The following PDE4D variants were observed in gnomAD, a reference collection of about 807,000 sequenced individuals.
The protein encoded by PDE4D is 3',5'-cyclic-AMP phosphodiesterase 4D.
PDE4D carries 24 observed loss-of-function variants against 87.4 expected under a neutral mutation model. The ratio of observed to expected loss-of-function variants is 0.27; its 90% CI spans 0.20 to 0.39. The LOEUF is 0.39. PDE4D is among the 10% of genes least tolerant of loss of function. PDE4D has a pLI of 1.00. For missense variants in PDE4D, 714 were observed against 1,041.0 expected (o/e 0.69, Z 4.32); for synonymous variants, 384 against 383.2 (o/e 1.00, Z -0.02).
At chr5:59,565,230 G>A (rs1042969170) in intron 1 of PDE4D, among the ~76,000 whole-genome samples, 1 of 152,090 alleles carries the variant, frequency 6.6e-6, no homozygotes, top group African/African-American at 2.4e-5. Flanking sequence ...TATTTAGAAA[G>A]TTACTGGGCC....
chr5:59,348,694 T>G lies in PDE4D; in HGVS notation c.456-132726A>C, dbSNP rs1780011346. 2.0e-5 allele frequency among the ~76,000 whole-genome samples: 3 copies of G among 150,200 alleles called. No individual in the cohort carries two copies. In the Admixed American group the frequency reaches 2.0e-4, roughly 10 times the overall value. On this transcript the variant is annotated intron_variant, in intron 1 of 14. Coordinates refer to ENST00000340635, the MANE Select transcript of PDE4D (RefSeq NM_001104631.2). Reference sequence around the variant, plus strand: ...AACTGTCCTTTGCATTTGATTGGCTTAACATAATTACAGTAATATATATTT... The same window carrying G: ...AACTGTCCTTTGCATTTGATTGGCTGAACATAATTACAGTAATATATATTT...
intron 1 of PDE4D, among the ~76,000 whole-genome samples, chr5:59,304,166 T>C (rs1770815551): frequency 6.6e-6 from 1 of 152,024 alleles, no homozygotes; most frequent in South Asian, 2.1e-4. Context: ...TATTGTAAAA[T>C]GGGTTGAGTT....
chr5:59,768,742 A>G (rs778787415), intron 1 of PDE4D: 41 of 997,520 alleles, frequency 4.1e-5, no homozygotes, highest in Non-Finnish European at 5.3e-5. Flanking sequence ...GCCAAAGATC[A>G]CTGACAAGCT....
At chr5:59,794,482 TTCCCTCCC>T (rs1167763083) in intron 1 of PDE4D, among the ~76,000 whole-genome samples, 1 of 151,884 alleles carries the variant, frequency 6.6e-6, no homozygotes, top group Non-Finnish European at 1.5e-5. Context: ...GCCTCCCTCC[TTCCCTCCC>T]TCCCTCCTGC....
intron 1 of PDE4D, among the ~76,000 whole-genome samples, chr5:59,868,490 T>C (rs1276031351): frequency 1.3e-5 from 2 of 152,152 alleles, no homozygotes; most frequent in Non-Finnish European, 2.9e-5. Context: ...TATGAAAATA[T>C]GTATGGTCTC....
At chr5:60,217,657 T>C (rs900215036) in intron 1 of PDE4D, among the ~76,000 whole-genome samples, 6 of 151,938 alleles carry the variant, frequency 3.9e-5, no homozygotes, top group Non-Finnish European at 8.8e-5. Flanking sequence ...ACTTGTTAAT[T>C]TGATTTTTTT....
intron 3 of PDE4D, among the ~76,000 whole-genome samples, chr5:59,188,238 G>A (rs1015152898): frequency 2.6e-5 from 4 of 152,048 alleles, no homozygotes; most frequent in African/African-American, 9.7e-5. Context: ...AGAGCTCAAT[G>A]GTTAGAAAAT....
chr5:59,850,538 G>A (rs1269128273), intron 1 of PDE4D, among the ~76,000 whole-genome samples: 1 of 151,976 alleles, frequency 6.6e-6, no homozygotes, highest in African/African-American at 2.4e-5. Context: ...AACAGGAAAA[G>A]AAAAGGCATA....
At chr5:59,133,185 T>C (rs1430893415) in intron 5 of PDE4D, among the ~76,000 whole-genome samples, 1 of 152,164 alleles carries the variant, frequency 6.6e-6, no homozygotes, top group Non-Finnish European at 1.5e-5. Context: ...GATTTTTTCA[T>C]AAACATGAAA....
At chr5:59,574,861 A>G (rs1432312796) in intron 1 of PDE4D, among the ~76,000 whole-genome samples, 1 of 152,164 alleles carries the variant, frequency 6.6e-6, no homozygotes, top group African/African-American at 2.4e-5. Context: ...TTCTCTGACA[A>G]AACTACATAT....
intron 1 of PDE4D, chr5:59,356,941 C>T: frequency 3.6e-6 from 5 of 1,392,042 alleles, no homozygotes; most frequent in Non-Finnish European, 3.7e-6. Context: ...GCAGGAGGCA[C>T]TTGTAGCTGA....
rs75925860 is a variant in PDE4D, at chr5:58,983,238, C to A, written c.1552+5255G>T. On this transcript the variant is annotated intron_variant, in intron 11 of 14. Transcript: ENST00000340635. ...CACGCAGAACCATCCGTAAACCAGG[C>A]CCTCTGTCAACTACTTGCAGGGAAC... Among the ~76,000 whole-genome samples, 389 of 152,354 alleles carry A rather than the reference C, an allele frequency of 2.6e-3. 6 individuals carry two copies. The East Asian group carries it at 0.047, about 18-fold the overall frequency.
chr5:59,155,047 A>G (rs757087315), intron 5 of PDE4D, among the ~76,000 whole-genome samples: 17 of 152,228 alleles, frequency 1.1e-4, no homozygotes, highest in Admixed American at 8.5e-4. Context: ...GAAGAGTTGG[A>G]TATCAATGGA....
At chr5:60,392,775 TA>T (rs1020416044) in intron 1 of PDE4D, among the ~76,000 whole-genome samples, 1 of 151,834 alleles carries the variant, frequency 6.6e-6, no homozygotes, top group African/African-American at 2.4e-5. Context: ...GAAAGCCATT[TA>T]AAAAAAAATT....
At chr5:59,051,494 G>C (rs1761547659) in intron 5 of PDE4D, among the ~76,000 whole-genome samples, 1 of 152,202 alleles carries the variant, frequency 6.6e-6, no homozygotes, top group African/African-American at 2.4e-5. Flanking sequence ...TTACTGGGAA[G>C]ATCATTTCAA....
At chr5:60,294,455 C>T (rs1436789865) in intron 1 of PDE4D, among the ~76,000 whole-genome samples, 1 of 152,034 alleles carries the variant, frequency 6.6e-6, no homozygotes, top group Non-Finnish European at 1.5e-5. Flanking sequence ...TTTCTGAATC[C>T]TGTCATGTTC....
chr5:60,300,814 C>T (rs555322485), intron 1 of PDE4D, among the ~76,000 whole-genome samples: 12 of 151,936 alleles, frequency 7.9e-5, no homozygotes, highest in African/African-American at 2.9e-4. Flanking sequence ...ACTCTGTTGC[C>T]CAGGCTGGAG....
intron 1 of PDE4D, among the ~76,000 whole-genome samples, chr5:59,547,896 C>G (rs1311933379): frequency 1.3e-5 from 2 of 152,166 alleles, no homozygotes; most frequent in Admixed American, 1.3e-4. Context: ...CAAGTGCACA[C>G]GTTTCAAGTC....
intron 1 of PDE4D, among the ~76,000 whole-genome samples, chr5:59,780,788 A>G (rs1272525044): frequency 1.3e-5 from 2 of 152,208 alleles, no homozygotes; most frequent in African/African-American, 2.4e-5. Flanking sequence ...GAATGAAAGA[A>G]CAGGAGTATA....
Sources: gnomAD v4.1 joint callset for allele counts (sites outside exome capture counted in the v4.1 genomes callset) on GRCh38, gnomAD v4.1.1 for gene constraint, MANE v1.5 for transcripts, NCBI Gene and HGNC (gene_info 2026-07-23, HGNC 2026-07-21) for gene names.